The following EIF3C variants were observed in gnomAD, a reference collection of about 807,000 sequenced individuals.
EIF3C encodes the protein eukaryotic translation initiation factor 3 subunit C, also known as cell migration-inducing protein 17.
Under a neutral mutation model 11.1 loss-of-function variants are expected in EIF3C, and 2 were observed. That is an observed-to-expected ratio of 0.18 (90% CI 0.07 to 0.57). The LOEUF is 0.57. Ranked by LOEUF, EIF3C falls within the 20% of genes least tolerant of loss-of-function variation. The pLI, the probability that EIF3C is intolerant of heterozygous loss-of-function variation, is 0.92. For missense variants in EIF3C, 16 were observed against 114.6 expected (o/e 0.14, Z 3.93); for synonymous variants, 2 against 41.5 (o/e 0.05, Z 3.66).
chr16:28,728,429 G>T (rs2048402159), intron 15 of EIF3C, among the ~76,000 whole-genome samples: 1 of 33,398 alleles, frequency 3.0e-5, no homozygotes. Context: ...TCTTTTAGGG[G>T]TGTGTGTGTG....
At chr16:28,704,258 AAAAC>A (rs1169767436) in intron 1 of EIF3C, among the ~76,000 whole-genome samples, 7 of 47,312 alleles carry the variant, frequency 1.5e-4, no homozygotes, top group East Asian at 5.2e-4. Context: ...TCCATCTCAA[AAAAC>A]AAACAAACAA....
chr16:28,698,249 G>C (rs1303552664), intron 1 of EIF3C, among the ~76,000 whole-genome samples: 16 of 111,508 alleles, frequency 1.4e-4, no homozygotes, highest in African/African-American at 5.0e-4. Flanking sequence ...CTGGCCGGGT[G>C]GGGGGGCTGA....
intron 1 of EIF3C, among the ~76,000 whole-genome samples, chr16:28,698,552 C>A (rs1469960357): frequency 1.0e-5 from 1 of 95,674 alleles, no homozygotes; most frequent in Non-Finnish European, 1.9e-5. Flanking sequence ...ACCTCCCTCC[C>A]GGACGGGGTG....
chr16:28,698,541 C>A (rs1200030484), intron 1 of EIF3C, among the ~76,000 whole-genome samples: 3 of 94,158 alleles, frequency 3.2e-5, no homozygotes. Context: ...TGACCCCCCC[C>A]ACCTCCCTCC....
chr16:28,699,476 CGGAGACGGAGAG>C lies in EIF3C; in HGVS notation c.-31+10654_-31+10665del, dbSNP rs1459721510. ...GGGGAGAGGGAGACGGAGACGGAGA[CGGAGACGGAGAG>C]GGAGAGGGAGAGGGAGAGGGAGAGG... On this transcript the variant is annotated intron_variant, in intron 1 of 20. Coordinates refer to the EIF3C transcript ENST00000566501. Among the ~76,000 whole-genome samples, 24 of 86,664 alleles carry C rather than the reference CGGAGACGGAGAG, an allele frequency of 2.8e-4. 2 individuals are homozygous for C. In the South Asian group the frequency reaches 9.3e-3, roughly 34 times the overall value. The allele number at this position is 86,664 out of a possible 152,430, so 56.9% of individuals were successfully genotyped here. A position where few individuals can be genotyped will look rare whatever the true frequency, so the allele number is the denominator to read the frequency against.
At chr16:28,698,425 C>T (rs1429732375) in intron 1 of EIF3C, among the ~76,000 whole-genome samples, 11 of 72,288 alleles carry the variant, frequency 1.5e-4, no homozygotes, top group African/African-American at 3.4e-4. Context: ...GCTGGCCAGG[C>T]GGGGGGCTGA....
chr16:28,733,875 AGAGGT>A (rs2048476162), intron 16 of EIF3C, among the ~76,000 whole-genome samples: 1 of 115,818 alleles, frequency 8.6e-6, no homozygotes, highest in South Asian at 2.6e-4. Flanking sequence ...TTGAGCTGGA[AGAGGT>A]GGTTTTGTTT....
At chr16:28,698,565 T>G (rs1276871358) in intron 1 of EIF3C, among the ~76,000 whole-genome samples, 1 of 92,456 alleles carries the variant, frequency 1.1e-5, no homozygotes, top group African/African-American at 8.7e-5. Flanking sequence ...ACGGGGTGGC[T>G]GCCGGGCGGA....
Position 28,729,029 on chromosome 16 carries a change from AG to A in EIF3C, c.1818+1786del, listed in dbSNP as rs1324260190. 2.1e-4 allele frequency among the ~76,000 whole-genome samples: 6 copies of A among 28,388 alleles called. 1 individual carries two copies. Among genetic ancestry groups the A allele is most frequent in the South Asian group, 2.9e-3 (1 of 350 alleles). The allele number at this position is 28,388 out of a possible 152,430, so 18.6% of individuals were successfully genotyped here. On this transcript the variant is annotated intron_variant, in intron 15 of 20. Transcript: ENST00000331666. Reference sequence around the variant, plus strand: ...TGGATTGTTCACTTTATTGAGTTGTAGGAGTGCCTTATCTATCCTGGATAGC... The same window carrying A: ...TGGATTGTTCACTTTATTGAGTTGTAGAGTGCCTTATCTATCCTGGATAGC...
chr16:28,712,933 G>A lies in EIF3C; in HGVS notation c.102-768G>A, dbSNP rs1312464394. 6.0e-5 allele frequency among the ~76,000 whole-genome samples: 9 copies of A among 149,196 alleles called. No individual in the cohort carries two copies. In the South Asian group the frequency reaches 1.5e-3, roughly 25 times the overall value. On this transcript the variant is annotated intron_variant, in intron 2 of 20. Transcript: ENST00000331666. ...GAATCTCTTGAACCTTGGAGGCGGA[G>A]GTTGTAGTGAGCCGAGATTGCGCCA... is the stretch of plus-strand genomic sequence containing the variant.
Position 28,728,518 on chromosome 16 carries a change from A to AG in EIF3C, c.1818+1277dup, listed in dbSNP as rs1218796792. On this transcript the variant is annotated intron_variant, in intron 15 of 20. Coordinates refer to ENST00000331666, the MANE Select transcript of EIF3C (RefSeq NM_003752.5). ...GGGGGTGTGTGTGTGTGTATCTTTTAGGGGTGTGTGTGTGTGTGTGTGTGT... is the reference window on the plus strand; with the variant it reads ...GGGGGTGTGTGTGTGTGTATCTTTTAGGGGGTGTGTGTGTGTGTGTGTGTGT... Among the ~76,000 whole-genome samples the AG allele has an allele frequency of 2.7e-3, 202 of 75,804 alleles. 1 individual carries two copies. The highest frequency in any genetic ancestry group is 6.8e-3 in the African/African-American group (173 of 25,388). The allele number at this position is 75,804 out of a possible 152,430, so 49.7% of individuals were successfully genotyped here.
chr16:28,697,874 C>T (rs1435348270), intron 1 of EIF3C, among the ~76,000 whole-genome samples: 2 of 86,546 alleles, frequency 2.3e-5, no homozygotes, highest in Non-Finnish European at 4.4e-5. Context: ...GGGGGGCTGA[C>T]CCCCCAACCT....
At chr16:28,695,939 A>G (rs1318687508) in intron 1 of EIF3C, among the ~76,000 whole-genome samples, 1 of 50,456 alleles carries the variant, frequency 2.0e-5, no homozygotes, top group Non-Finnish European at 3.6e-5. Flanking sequence ...CAGTGAGCCA[A>G]GATCATCCTA....
intron 15 of EIF3C, among the ~76,000 whole-genome samples, chr16:28,728,424 T>G: frequency 3.7e-5 from 1 of 27,154 alleles, no homozygotes; most frequent in African/African-American, 1.1e-4. Flanking sequence ...AAAGATCTTT[T>G]AGGGGTGTGT....
intron 1 of EIF3C, among the ~76,000 whole-genome samples, chr16:28,693,044 AG>A (rs1231435284): frequency 1.4e-5 from 1 of 73,548 alleles, no homozygotes; most frequent in East Asian, 4.2e-4. Flanking sequence ...AATTTTTAGG[AG>A]CTACATTTCC....
Position 28,732,684 on chromosome 16 carries a change from CGAGT to C in EIF3C, c.2182+496_2182+499del, listed in dbSNP as rs1358079755. 1.3e-4 allele frequency among the ~76,000 whole-genome samples: 18 copies of C among 134,914 alleles called. 1 individual carries two copies. The highest frequency in any genetic ancestry group is 2.4e-4 in the Non-Finnish European group (15 of 62,324). 88.5% of individuals were successfully genotyped at this position (134,914 alleles called of 152,430 possible). A position where few individuals can be genotyped will look rare whatever the true frequency, so the allele number is the denominator to read the frequency against. Reference sequence around the variant, plus strand: ...GACATTGGCCCACAGGAGGGCTTGACGAGTGAGCTGAGCCCAGTGTCCACAGCCA... The same window carrying C: ...GACATTGGCCCACAGGAGGGCTTGACGAGCTGAGCCCAGTGTCCACAGCCA... On this transcript the variant is annotated intron_variant, in intron 16 of 20. Transcript: ENST00000331666.
At chr16:28,718,614 GTTTTTTT>G (rs576228155) in intron 8 of EIF3C, among the ~76,000 whole-genome samples, 1 of 45,270 alleles carries the variant, frequency 2.2e-5, no homozygotes, top group Non-Finnish European at 3.3e-5. Context: ...CTTGTTTAAA[GTTTTTTT>G]TTTTTTTTTT....
chr16:28,732,872 C>CT (rs2048459324), intron 16 of EIF3C, among the ~76,000 whole-genome samples: 1 of 119,164 alleles, frequency 8.4e-6, no homozygotes, highest in Non-Finnish European at 1.8e-5. Context: ...TATTGGCAGT[C>CT]TGTCGCTCCT....
chr16:28,732,937 GA>G (rs2048460124), intron 16 of EIF3C, among the ~76,000 whole-genome samples: 1 of 84,092 alleles, frequency 1.2e-5, no homozygotes, highest in Non-Finnish European at 2.3e-5. Flanking sequence ...GCAGCGATGG[GA>G]AAGGGCTGTC....
Sources: allele counts gnomAD v4.1 joint callset (sites outside exome capture counted in the v4.1 genomes callset), GRCh38; gene constraint gnomAD v4.1.1; transcripts MANE v1.5; gene names NCBI Gene and HGNC (gene_info 2026-07-23, HGNC 2026-07-21).